The following CPNE4 variants were observed in gnomAD, a reference collection of about 807,000 sequenced individuals.
The protein encoded by CPNE4 is copine 4, also known as copine-4.
In CPNE4, 25 loss-of-function variants were observed where a neutral mutation model predicts 67.9. The ratio of observed to expected loss-of-function variants is 0.37; its 90% CI spans 0.27 to 0.51. The LOEUF (loss-of-function observed/expected upper bound fraction) is 0.51, where lower values mean the gene tolerates loss of function less well. Ranked by LOEUF, CPNE4 falls within the 20% of genes least tolerant of loss-of-function variation. CPNE4 has a pLI of 0.93. For missense variants in CPNE4, 464 were observed against 690.8 expected (o/e 0.67, Z 3.68); for synonymous variants, 242 against 244.9 (o/e 0.99, Z 0.11).
chr3:131,716,585 C>T (rs142205472), intron 3 of CPNE4, among the ~76,000 whole-genome samples: 3 of 152,144 alleles, frequency 2.0e-5, no homozygotes, highest in African/African-American at 7.2e-5. Context: ...TATGTTTCCC[C>T]CTTTGTTCTG....
intron 2 of CPNE4, among the ~76,000 whole-genome samples, chr3:131,804,538 C>G (rs548413244): frequency 2.5e-4 from 38 of 152,160 alleles, no homozygotes; most frequent in African/African-American, 9.2e-4. Flanking sequence ...TAAATGATCA[C>G]AAAAATGGTT....
intron 7 of CPNE4, among the ~76,000 whole-genome samples, chr3:131,630,735 G>A (rs1407776592): frequency 4.2e-4 from 64 of 152,146 alleles, no homozygotes; most frequent in Non-Finnish European, 1.5e-5. Flanking sequence ...GTGTTCTTCT[G>A]GACAGACTGA....
intron 2 of CPNE4, among the ~76,000 whole-genome samples, chr3:131,757,618 C>G (rs570741523): frequency 6.6e-6 from 1 of 152,150 alleles, no homozygotes; most frequent in East Asian, 1.9e-4. Context: ...AAATTCAAGC[C>G]GGCTGCAGAA....
chr3:131,771,804 T>C (rs2083173271), intron 2 of CPNE4, among the ~76,000 whole-genome samples: 1 of 152,112 alleles, frequency 6.6e-6, no homozygotes, highest in African/African-American at 2.4e-5. Context: ...CCATTCTGAT[T>C]AGGTTGATAC....
chr3:131,542,254 A>T (rs1424041620), intron 15 of CPNE4, among the ~76,000 whole-genome samples: 1 of 152,102 alleles, frequency 6.6e-6, no homozygotes, highest in Non-Finnish European at 1.5e-5. Context: ...AAATTATATG[A>T]ATTATAGGGC....
In CPNE4 at chr3:131,699,921, T is replaced by C. The variant is rs772186696; in HGVS notation, c.420A>G (p.Lys140=). Residue 140 remains lysine, a synonymous_variant, in exon 4 of 16, where the codon AAA becomes AAG. Transcript: ENST00000429747. ...SLLKHGNTAG[K]SSITVIAEEL... Reference sequence around the variant, plus strand: ...AGTGCCTGCTTACCGTGATGGAAGATTTCCCTGCTGTGTTCCCATGCTTCA... The same window carrying C: ...AGTGCCTGCTTACCGTGATGGAAGACTTCCCTGCTGTGTTCCCATGCTTCA... 1.9e-6 allele frequency: 3 copies of C among 1,613,052 alleles called. No homozygotes were observed. Among genetic ancestry groups the C allele is most frequent in the Non-Finnish European group, 2.5e-6 (3 of 1,179,384 alleles).
chr3:131,814,873 G>A (rs1329698565), intron 2 of CPNE4, among the ~76,000 whole-genome samples: 1 of 136,216 alleles, frequency 7.3e-6, no homozygotes, highest in East Asian at 1.9e-4. Context: ...CAAAGTGCTG[G>A]GATTACAGGC....
At chr3:131,912,138 T>C (rs1199613746) in intron 1 of CPNE4, among the ~76,000 whole-genome samples, 1 of 152,226 alleles carries the variant, frequency 6.6e-6, no homozygotes, top group Non-Finnish European at 1.5e-5. Flanking sequence ...ATTATTTTGA[T>C]AAAAGCTGAC....
At chr3:131,909,354 G>C (rs1224638856) in intron 1 of CPNE4, among the ~76,000 whole-genome samples, 1 of 152,052 alleles carries the variant, frequency 6.6e-6, no homozygotes, top group Non-Finnish European at 1.5e-5. Flanking sequence ...GCCCTCTCTT[G>C]GTCCATATAA....
chr3:131,732,416 G>A (rs2082148728), intron 2 of CPNE4, among the ~76,000 whole-genome samples: 1 of 152,150 alleles, frequency 6.6e-6, no homozygotes, highest in Admixed American at 6.5e-5. Flanking sequence ...CAGGAGACCA[G>A]CCCACATGTG....
intron 2 of CPNE4, among the ~76,000 whole-genome samples, chr3:131,767,630 T>C (rs1365322187): frequency 6.6e-6 from 1 of 152,034 alleles, no homozygotes. Flanking sequence ...CCAGCCACAA[T>C]TTTTTCCTCT....
At chr3:131,693,749 C>T (rs1416382540) in intron 5 of CPNE4, among the ~76,000 whole-genome samples, 1 of 152,178 alleles carries the variant, frequency 6.6e-6, no homozygotes, top group Non-Finnish European at 1.5e-5. Context: ...TACCTCCCCT[C>T]TTACCTCCCC....
chr3:131,799,675 A>G (rs2084020716), intron 2 of CPNE4, among the ~76,000 whole-genome samples: 1 of 152,120 alleles, frequency 6.6e-6, no homozygotes, highest in Non-Finnish European at 1.5e-5. Context: ...TCACTGTTTT[A>G]AATAGAAGCC....
chr3:131,611,263 A>G (rs1326494504), intron 7 of CPNE4, among the ~76,000 whole-genome samples: 2 of 152,226 alleles, frequency 1.3e-5, no homozygotes, highest in Non-Finnish European at 2.9e-5. Context: ...TGACTGTGTC[A>G]TCAATTTAAT....
intron 7 of CPNE4, among the ~76,000 whole-genome samples, chr3:131,655,072 A>G (rs890709039): frequency 3.9e-5 from 6 of 152,258 alleles, no homozygotes; most frequent in African/African-American, 1.4e-4. Context: ...CAGTGGATGC[A>G]GATATAGAGA....
At chr3:131,833,299 G>A (rs2085444423) in intron 2 of CPNE4, among the ~76,000 whole-genome samples, 1 of 152,126 alleles carries the variant, frequency 6.6e-6, no homozygotes, top group African/African-American at 2.4e-5. Context: ...GAAATGATAG[G>A]GATAAGTGAG....
chr3:131,539,788 C>G (rs1362398387), intron 15 of CPNE4, among the ~76,000 whole-genome samples: 2 of 152,148 alleles, frequency 1.3e-5, no homozygotes, highest in South Asian at 2.1e-4. Context: ...TCCTGCTGCA[C>G]TATGCAAAGT....
intron 1 of CPNE4, among the ~76,000 whole-genome samples, chr3:131,989,415 TG>T (rs2073126652): frequency 1.4e-5 from 2 of 138,592 alleles, no homozygotes; most frequent in Admixed American, 7.9e-5. Context: ...ACACTGTAGG[TG>T]AGTAAACAGA....
At chr3:132,018,997 A>G (rs1266301671) in intron 1 of CPNE4, among the ~76,000 whole-genome samples, 1 of 152,220 alleles carries the variant, frequency 6.6e-6, no homozygotes, top group East Asian at 1.9e-4. Context: ...TGCTTTATCA[A>G]GAACTTTTTA....
Sources: gnomAD v4.1 joint callset for allele counts (sites outside exome capture counted in the v4.1 genomes callset) on GRCh38, gnomAD v4.1.1 for gene constraint, MANE v1.5 for transcripts, NCBI Gene and HGNC (gene_info 2026-07-23, HGNC 2026-07-21) for gene names.